SOX5: variants seen among roughly 807,000 people sequenced by gnomAD.
The protein encoded by SOX5 is transcription factor SOX-5.
A neutral mutation model predicts 92.0 loss-of-function variants in SOX5; 9 were observed. That is an observed-to-expected ratio of 0.10 (90% CI 0.06 to 0.17). The LOEUF (loss-of-function observed/expected upper bound fraction) is 0.17, where lower values mean the gene tolerates loss of function less well. Ranked by LOEUF, SOX5 falls within the 10% of genes least tolerant of loss-of-function variation. The pLI is 1.00. For synonymous variants in SOX5, 344 were observed against 336.3 expected (o/e 1.02, Z -0.25); for missense variants, 642 against 944.5 (o/e 0.68, Z 4.20).
intron 1 of SOX5, among the ~76,000 whole-genome samples, chr12:24,444,403 G>A (rs760982108): frequency 2.6e-5 from 4 of 152,110 alleles, no homozygotes; most frequent in Non-Finnish European, 4.4e-5. Context: ...GAACATGAAT[G>A]TAATGATTCA....
chr12:24,309,422 T>C (rs1345289173), intron 2 of SOX5, among the ~76,000 whole-genome samples: 1 of 152,210 alleles, frequency 6.6e-6, no homozygotes, highest in Non-Finnish European at 1.5e-5. Flanking sequence ...GCTATTATTG[T>C]TATTCTCCAT....
chr12:23,600,525 A>ATG (rs2074318626), intron 9 of SOX5, among the ~76,000 whole-genome samples: 1 of 97,600 alleles, frequency 1.0e-5, no homozygotes, highest in Non-Finnish European at 2.0e-5. Context: ...GGGGGTGCAT[A>ATG]TATATATATA....
intron 6 of SOX5, among the ~76,000 whole-genome samples, chr12:23,702,703 T>G (rs934548539): frequency 9.9e-5 from 15 of 151,918 alleles, no homozygotes; most frequent in African/African-American, 3.1e-4. Context: ...ATACCACCAG[T>G]GAGCTAATCT....
chr12:23,777,839 T>C (rs952835784), intron 3 of SOX5, among the ~76,000 whole-genome samples: 4 of 152,228 alleles, frequency 2.6e-5, no homozygotes, highest in Non-Finnish European at 5.9e-5. Context: ...GTACTTGCAC[T>C]GAGTAAGCTG....
chr12:23,927,047 C>A (rs565143638), intron 1 of SOX5, among the ~76,000 whole-genome samples: 1 of 151,948 alleles, frequency 6.6e-6, no homozygotes, highest in East Asian at 1.9e-4. Flanking sequence ...TTAGAACAAC[C>A]ACTATTAGAG....
chr12:23,570,094 A>G (rs1478382940), intron 10 of SOX5, among the ~76,000 whole-genome samples: 2 of 152,182 alleles, frequency 1.3e-5, no homozygotes, highest in South Asian at 4.1e-4. Flanking sequence ...AATTTAACAG[A>G]TGATATTAGT....
intron 3 of SOX5, among the ~76,000 whole-genome samples, chr12:24,262,728 A>G (rs936237469): frequency 6.6e-6 from 1 of 152,110 alleles, no homozygotes; most frequent in African/African-American, 2.4e-5. Flanking sequence ...GGACTCTAAC[A>G]TTTTTGAAGA....
chr12:24,376,689 CCTTTTTTTTTTTTTTT>C (rs1957301201), intron 1 of SOX5, among the ~76,000 whole-genome samples: 1 of 93,084 alleles, frequency 1.1e-5, no homozygotes, highest in African/African-American at 4.1e-5. Flanking sequence ...GGGAGAGATA[CCTTTTTTTTTTTTTTT>C]TTTTTTTTTT....
intron 4 of SOX5, among the ~76,000 whole-genome samples, chr12:23,975,762 A>G (rs1288747347): frequency 6.6e-6 from 1 of 152,240 alleles, no homozygotes; most frequent in Non-Finnish European, 1.5e-5. Flanking sequence ...AAGCACGTAG[A>G]AGAGTCCCTT....
chr12:23,612,865 T>A (rs1460953809), intron 8 of SOX5, among the ~76,000 whole-genome samples: 1 of 152,192 alleles, frequency 6.6e-6, no homozygotes, highest in African/African-American at 2.4e-5. Flanking sequence ...GTGTTATCTT[T>A]ATAGCTTAAT....
rs748150313 is a variant in SOX5 at position 23,577,137 on chromosome 12, T to TTATA, written c.1165-1303_1165-1300dup. Among the ~76,000 whole-genome samples the TTATA allele has an allele frequency of 7.8e-3, 1,014 of 129,772 alleles. 19 individuals carry two copies. Among genetic ancestry groups the TTATA allele is most frequent in the African/African-American group, 0.028 (953 of 34,302 alleles). The allele number at this position is 129,772 out of a possible 152,430, so 85.1% of individuals were successfully genotyped here. A position where few individuals can be genotyped will look rare whatever the true frequency, so the allele number is the denominator to read the frequency against. Reference sequence around the variant, plus strand: ...GTAAAATATGACATCGATATCAAGTTTATATATATATATACACACACACAC... The same window carrying TTATA: ...GTAAAATATGACATCGATATCAAGTTTATATATATATATATATACACACACACAC... On this transcript the variant is annotated intron_variant, in intron 9 of 14. Coordinates refer to ENST00000451604, the MANE Select transcript of SOX5 (RefSeq NM_006940.6).
At chr12:23,645,355 T>A (rs929210567) in intron 7 of SOX5, among the ~76,000 whole-genome samples, 27 of 152,170 alleles carry the variant, frequency 1.8e-4, no homozygotes, top group African/African-American at 6.5e-4. Flanking sequence ...GGTGATAGAA[T>A]AAAGTAGAGG....
intron 2 of SOX5, among the ~76,000 whole-genome samples, chr12:24,313,593 C>T (rs980643694): frequency 6.6e-6 from 1 of 152,168 alleles, no homozygotes; most frequent in African/African-American, 2.4e-5. Context: ...TGTTCAAGGT[C>T]TTGGTCTTGA....
intron 4 of SOX5, among the ~76,000 whole-genome samples, chr12:24,023,421 C>G (rs1954536892): frequency 6.6e-6 from 1 of 152,068 alleles, no homozygotes; most frequent in Non-Finnish European, 1.5e-5. Context: ...GTCCAAATCC[C>G]AGTAATAAAA....
intron 10 of SOX5, among the ~76,000 whole-genome samples, chr12:23,574,712 C>A (rs942200342): frequency 6.6e-6 from 1 of 152,186 alleles, no homozygotes; most frequent in African/African-American, 2.4e-5. Flanking sequence ...TTTCTACAAT[C>A]TAGACAAATC....
intron 3 of SOX5, among the ~76,000 whole-genome samples, chr12:23,793,789 G>C (rs2095516736): frequency 6.6e-6 from 1 of 152,178 alleles, no homozygotes; most frequent in Admixed American, 6.6e-5. Context: ...AGTAAGAAAA[G>C]CACCAAGGTG....
rs2097413632 is a variant in SOX5 at position 23,916,131 on chromosome 12, A to T, written c.39-20107T>A. ...CTAGTAAGAATTTCCTTTTCAATCT[A>T]TGTAGCTATTTAGCTACTGAAATAG... is the stretch of plus-strand genomic sequence containing the variant. On this transcript the variant is annotated intron_variant, in intron 1 of 14. Transcript: ENST00000451604. Among the ~76,000 whole-genome samples, 2 of 152,346 alleles carry T rather than the reference A, an allele frequency of 1.3e-5. 1 individual carries two copies. Among genetic ancestry groups the T allele is most frequent in the South Asian group, 4.1e-4 (2 of 4,834 alleles).
chr12:24,270,064 C>T (rs1943523006), intron 3 of SOX5, among the ~76,000 whole-genome samples: 2 of 145,584 alleles, frequency 1.4e-5, no homozygotes, highest in African/African-American at 2.5e-5. Context: ...ATGTGGGAAA[C>T]TCTTTTTCTT....
At chr12:24,014,012 C>T (rs1953273383) in intron 4 of SOX5, among the ~76,000 whole-genome samples, 1 of 152,088 alleles carries the variant, frequency 6.6e-6, no homozygotes, top group African/African-American at 2.4e-5. Flanking sequence ...TGGGTAATAC[C>T]ATTTGAAGAG....
Sources: gnomAD v4.1 joint callset for allele counts (sites outside exome capture counted in the v4.1 genomes callset) on GRCh38, gnomAD v4.1.1 for gene constraint, MANE v1.5 for transcripts, NCBI Gene and HGNC (gene_info 2026-07-23, HGNC 2026-07-21) for gene names.